PCDHGA8: variants seen among roughly 807,000 people sequenced by gnomAD.
The protein encoded by PCDHGA8 is protocadherin gamma subfamily A, 8, also known as protocadherin gamma-A8.
A neutral mutation model predicts 59.2 loss-of-function variants in PCDHGA8; 45 were observed. That is an observed-to-expected ratio of 0.76 (90% confidence interval 0.60 to 0.98). The LOEUF is 0.98. Among genes scored for constraint, PCDHGA8 ranks in the 50% least tolerant of loss-of-function variants. The pLI is 0.00. For missense variants in PCDHGA8, 1,257 were observed against 1,196.2 expected, an observed-to-expected ratio of 1.05 and a Z score of -0.75; for synonymous variants, 531 against 519.0, an observed-to-expected ratio of 1.02 and a Z score of -0.32.
At chr5:141,415,468 G>A (rs762272586) in intron 1 of PCDHGA8, 8 of 1,614,070 alleles carry the variant, frequency 5.0e-6, no homozygotes, top group East Asian at 2.2e-5. Context: ...CTCTCTCACC[G>A]CGGACTCGCG....
At position 141,476,683 on chromosome 5, in the gene PCDHGA8, C is replaced by T; in HGVS notation, c.2425-18124C>T. The T allele has an allele frequency of 1.9e-6, 3 of 1,614,242 alleles. No homozygotes were observed. Among genetic ancestry groups the T allele is most frequent in the Non-Finnish European group, 2.5e-6 (3 of 1,180,052 alleles). ...CGCTTCGCGTGCAGACGCGGGAGGA[C>T]AGCACCAAGTACGCGGAGCTGGTGT... On this transcript the variant is annotated intron_variant, in intron 1 of 3. Coordinates refer to ENST00000398604, the MANE Select transcript of PCDHGA8 (RefSeq NM_032088.2). The surrounding 1 kb of genome is among the most constrained non-coding windows in gnomAD (Gnocchi z 7.6).
At chr5:141,483,737 G>A (rs1052778197) in intron 1 of PCDHGA8, among the ~76,000 whole-genome samples, 4 of 152,102 alleles carry the variant, frequency 2.6e-5, no homozygotes, top group South Asian at 2.1e-4. Context: ...TAGTCAAAAG[G>A]ATATTCCTGA....
chr5:141,479,651 C>A (rs56818742), intron 1 of PCDHGA8: 43,954 of 152,194 alleles, frequency 0.29, 6,853 homozygotes, highest in African/African-American at 0.41. Flanking sequence ...ACAACAACAA[C>A]AATCCCAGAA....
At chr5:141,465,779 G>GTT (rs879859429) in intron 1 of PCDHGA8, among the ~76,000 whole-genome samples, 3 of 145,118 alleles carry the variant, frequency 2.1e-5, no homozygotes, top group Non-Finnish European at 3.0e-5. Context: ...TCTTGTTACA[G>GTT]TTTTTTTTTT....
intron 1 of PCDHGA8, chr5:141,427,949 C>T (rs2097092193): frequency 1.3e-6 from 2 of 1,586,882 alleles, no homozygotes; most frequent in South Asian, 1.1e-5. Context: ...ACCTCAATGA[C>T]AATGTGCCGC....
chr5:141,448,896 G>C (rs560617459), intron 1 of PCDHGA8, among the ~76,000 whole-genome samples: 5 of 152,302 alleles, frequency 3.3e-5, no homozygotes, highest in African/African-American at 1.2e-4. Context: ...AGTGAGCCGA[G>C]ATCGTGCCAC....
Position 141,422,887 on chromosome 5 carries a change from C to G in PCDHGA8, c.2424+27650C>G, listed in dbSNP as rs2154549815. ...CAACGTGTCGCTGAGCCTGTTCGTG[C>G]TGGACCAGAACGACAATGCGCCCGA... On this transcript the variant is annotated intron_variant, in intron 1 of 3. Coordinates refer to ENST00000398604, the MANE Select transcript of PCDHGA8 (RefSeq NM_032088.2). The G allele has an allele frequency of 2.5e-6, 4 of 1,614,264 alleles. No homozygotes were observed. In the Middle Eastern group the frequency reaches 4.9e-4, roughly 200 times the overall value.
At chr5:141,415,275 G>T in intron 1 of PCDHGA8, 5 of 1,614,212 alleles carry the variant, frequency 3.1e-6, no homozygotes, top group Non-Finnish European at 4.2e-6. Flanking sequence ...TGGTGGTAGC[G>T]GTGGCCGCGG....
intron 2 of PCDHGA8, among the ~76,000 whole-genome samples, chr5:141,501,751 C>G (rs188896150): frequency 1.4e-3 from 218 of 152,250 alleles, no homozygotes; most frequent in South Asian, 3.1e-3. Flanking sequence ...ATAGGAAGCT[C>G]TCAGTAAATG....
chr5:141,459,989 A>G (rs2098979714), intron 1 of PCDHGA8, among the ~76,000 whole-genome samples: 1 of 152,204 alleles, frequency 6.6e-6, no homozygotes, highest in Non-Finnish European at 1.5e-5. Flanking sequence ...GAGACAGGAG[A>G]ATCGCTTGAA....
intron 2 of PCDHGA8, among the ~76,000 whole-genome samples, chr5:141,495,826 A>G (rs1190417828): frequency 6.6e-6 from 1 of 150,888 alleles, no homozygotes; most frequent in African/African-American, 2.4e-5. Flanking sequence ...GTGTTCTTCT[A>G]TCCCCAGCCT....
intron 2 of PCDHGA8, among the ~76,000 whole-genome samples, chr5:141,501,075 A>C (rs980856799): frequency 6.6e-6 from 1 of 151,366 alleles, no homozygotes; most frequent in African/African-American, 2.4e-5. Context: ...CACCATGTTG[A>C]CCAGGATGGT....
chr5:141,400,376 T>C (rs534277122), intron 1 of PCDHGA8: 1 of 1,614,070 alleles, frequency 6.2e-7, no homozygotes, highest in East Asian at 2.2e-5. Flanking sequence ...TCCTACAACC[T>C]ATGTGTTGCA....
chr5:141,496,802 A>G (rs1483438160), intron 2 of PCDHGA8, among the ~76,000 whole-genome samples: 1 of 152,050 alleles, frequency 6.6e-6, no homozygotes, highest in Admixed American at 6.6e-5. Flanking sequence ...ACATTGGGCT[A>G]TAGGAGTGAA....
intron 1 of PCDHGA8, chr5:141,410,252 C>T (rs3749768): frequency 0.048 from 77,060 of 1,613,996 alleles, 2,017 homozygotes; most frequent in South Asian, 0.077. Flanking sequence ...ACTCTCTGAC[C>T]CCCAGGCTGA....
At chr5:141,458,318 A>T (rs1420197662) in intron 1 of PCDHGA8, among the ~76,000 whole-genome samples, 1 of 152,128 alleles carries the variant, frequency 6.6e-6, no homozygotes, top group Non-Finnish European at 1.5e-5. Context: ...ACACAGACAC[A>T]TGTGGAGTGG....
chr5:141,422,088 CA>C (rs1235447839), intron 1 of PCDHGA8: 2 of 1,611,912 alleles, frequency 1.2e-6, no homozygotes, highest in Non-Finnish European at 1.7e-6. Flanking sequence ...ACATGGAAAG[CA>C]AGGCTTCTGA....
In PCDHGA8 at chr5:141,487,365, G is replaced by A. The variant is rs1466536791; in HGVS notation, c.2425-7442G>A. On this transcript the variant is annotated intron_variant, in intron 1 of 3. Coordinates refer to ENST00000398604, the MANE Select transcript of PCDHGA8 (RefSeq NM_032088.2). This position sits in a 1 kb window ranked among gnomAD's most constrained non-coding sequence, Gnocchi z 5.0. ...GTCACATGCTTTCCTGCTGGCACCT[G>A]TGCCTGTCTCACCAGATCTCGAAGG... The A allele has an allele frequency of 1.2e-6, 2 of 1,614,068 alleles. No homozygotes were observed. Among genetic ancestry groups the A allele is most frequent in the South Asian group, 1.1e-5 (1 of 91,088 alleles).
chr5:141,424,401 G>A (rs1167861346), intron 1 of PCDHGA8: 1 of 151,844 alleles, frequency 6.6e-6, no homozygotes, highest in Non-Finnish European at 1.5e-5. Flanking sequence ...CCATTACTAT[G>A]GTGAAGTTAC....
Sources: gnomAD v4.1 joint callset for allele counts (sites outside exome capture counted in the v4.1 genomes callset) on GRCh38, gnomAD v4.1.1 for gene constraint, Gnocchi (gnomAD v3.1) non-coding constraint, MANE v1.5 for transcripts, NCBI Gene and HGNC (gene_info 2026-07-23, HGNC 2026-07-21) for gene names.